GASK1A: variants seen among roughly 807,000 people sequenced by gnomAD.
GASK1A encodes Golgi-associated kinase 1A.
A neutral mutation model predicts 41.2 loss-of-function variants in GASK1A; 40 were observed. That is an observed-to-expected ratio of 0.97 (90% CI 0.75 to 1.27). The LOEUF is 1.27. GASK1A is among the 50% of genes most tolerant of loss of function. The probability of loss-of-function intolerance (pLI) is 0.00; values close to 1 mark genes in which losing one functional copy is unlikely to be tolerated. For synonymous variants in GASK1A, 316 were observed against 307.1 expected (o/e 1.03, Z -0.30); for missense variants, 678 against 745.1 (o/e 0.91, Z 1.05).
Position 43,055,520 on chromosome 3 carries a change from T to C in GASK1A, c.1502T>C (p.Leu501Pro), listed in dbSNP as rs1394786444. 6.4e-7 allele frequency: 1 copy of C among 1,551,932 alleles called. No individual in the cohort carries two copies. The highest frequency in any genetic ancestry group is 2.4e-5 in the East Asian group (1 of 40,894). ...GAGGACAAGCTGAACTTTCGGCTGC[T>C]GGAGGGCATAGATGGGTGAGGGTCA... is the stretch of plus-strand genomic sequence containing the variant. ...HPEDKLNFRLLEGIDGFPESA... is the reference protein window; with the variant it reads ...HPEDKLNFRLPEGIDGFPESA... The change falls in exon 4 of 5, where the codon CTG becomes CCG. Residue 501 changes from leucine (L) to proline (P), a missense_variant. Transcript: ENST00000430121.
rs2089582448 is a variant in GASK1A at position 43,032,576 on chromosome 3, AGG to A, written c.315_316del (p.Glu106ValfsTer36). 1.3e-6 allele frequency: 2 copies of A among 1,551,168 alleles called. No individual in the cohort carries two copies. The highest frequency in any genetic ancestry group is 1.7e-6 in the Non-Finnish European group (2 of 1,146,614). The part of the protein sequence containing the change: ...QGHRARVDRS[R>X]ESPGGDLRHP... Reference sequence around the variant, plus strand: ...CCATAGAGCAAGAGTGGACAGAAGCAGGGAGTCCCCAGGAGGGGACCTCAGGC... The same window carrying A: ...CCATAGAGCAAGAGTGGACAGAAGCAGAGTCCCCAGGAGGGGACCTCAGGC... On this transcript the variant is annotated frameshift_variant, in exon 2 of 5. Coordinates refer to ENST00000430121, the MANE Select transcript of GASK1A (RefSeq NM_001129908.3). LOFTEE classifies it high-confidence loss of function.
At chr3:43,033,737 A>G (rs1258186917) in intron 2 of GASK1A, among the ~76,000 whole-genome samples, 184 bp downstream of exon 2, 1 of 152,238 alleles carries the variant, frequency 6.6e-6, no homozygotes, top group Admixed American at 6.5e-5. Context: ...TACTGGAGCC[A>G]GCTCATCAGC....
intron 1 of GASK1A, among the ~76,000 whole-genome samples, chr3:42,990,383 C>A (rs2089334397): frequency 6.6e-6 from 1 of 151,562 alleles, no homozygotes; most frequent in Non-Finnish European, 1.5e-5. Context: ...TATGCATACA[C>A]CCTTGGGGAT....
chr3:43,016,655 G>A (rs1014833802), intron 1 of GASK1A, among the ~76,000 whole-genome samples: 1 of 151,888 alleles, frequency 6.6e-6, no homozygotes, highest in African/African-American at 2.4e-5. Flanking sequence ...ACAGGAAGGG[G>A]AAGTGGGAAG....
chr3:43,015,322 G>A (rs767309970), intron 1 of GASK1A, among the ~76,000 whole-genome samples: 5 of 150,740 alleles, frequency 3.3e-5, no homozygotes, highest in Non-Finnish European at 7.4e-5. Context: ...AGGGGCTTGT[G>A]AGGTCACAGG....
intron 1 of GASK1A, among the ~76,000 whole-genome samples, chr3:42,986,361 C>G (rs2089309427): frequency 6.6e-6 from 1 of 152,146 alleles, no homozygotes; most frequent in Non-Finnish European, 1.5e-5. Flanking sequence ...AAGGAGAATT[C>G]TGGAGTGATG....
At chr3:43,045,715 A>G (rs2089658760) in intron 2 of GASK1A, among the ~76,000 whole-genome samples, 1 of 152,118 alleles carries the variant, frequency 6.6e-6, no homozygotes, top group African/African-American at 2.4e-5. Context: ...CCAAAATCTC[A>G]TCTTGAATTG....
intron 1 of GASK1A, among the ~76,000 whole-genome samples, chr3:43,019,788 A>ACACACACACACACC (rs1333967942): frequency 4.1e-5 from 6 of 147,812 alleles, no homozygotes; most frequent in African/African-American, 1.5e-4. Flanking sequence ...ACACACACAC[A>ACACACACACACACC]CCCCATCACA....
At position 42,979,401 on chromosome 3, in the gene GASK1A, C is replaced by T. The variant is rs1194471102; in HGVS notation, c.-242C>T. The T allele has an allele frequency of 2.5e-5, 10 of 400,922 alleles. No individual in the cohort carries two copies. The highest frequency in any genetic ancestry group is 4.3e-5 in the Non-Finnish European group (10 of 230,618). 24.8% of individuals were successfully genotyped at this position (400,922 alleles called of 1,614,324 possible). ...CAGATCCCCGTAGATCTCAGTAGAT[C>T]CGGCGTGTATTCCCCACCCGCGGAG... On this transcript the variant is annotated 5_prime_UTR_variant, in exon 1 of 5. Transcript: ENST00000430121.
intron 1 of GASK1A, among the ~76,000 whole-genome samples, chr3:42,982,668 T>G (rs576410855): frequency 3.3e-5 from 5 of 152,336 alleles, no homozygotes; most frequent in Admixed American, 6.5e-5. Context: ...TCATTATCCA[T>G]GGAAATGAGG....
intron 1 of GASK1A, among the ~76,000 whole-genome samples, chr3:43,004,406 C>T (rs1226689902): frequency 6.6e-6 from 1 of 152,186 alleles, no homozygotes; most frequent in African/African-American, 2.4e-5. Context: ...GTTAACTGAT[C>T]AGCTGTTTTA....
chr3:43,018,364 G>A (rs752861494), intron 1 of GASK1A, among the ~76,000 whole-genome samples: 1 of 152,128 alleles, frequency 6.6e-6, no homozygotes, highest in Non-Finnish European at 1.5e-5. Context: ...TTTTTTTGGG[G>A]ATCTGCTATA....
intron 1 of GASK1A, among the ~76,000 whole-genome samples, chr3:43,008,727 C>G (rs7616750): frequency 0.17 from 26,528 of 152,226 alleles, 2,701 homozygotes; most frequent in Non-Finnish European, 0.23. Context: ...TAGAAGTCAA[C>G]TGCACTTAGG....
chr3:42,985,588 G>GT (rs1559395438), intron 1 of GASK1A, among the ~76,000 whole-genome samples: 30 of 96,492 alleles, frequency 3.1e-4, no homozygotes, highest in Admixed American at 1.2e-3. Context: ...TGTGTGTGTG[G>GT]GCGGAGGCAG....
intron 1 of GASK1A, among the ~76,000 whole-genome samples, chr3:42,999,542 G>A (rs1293354580): frequency 1.3e-5 from 2 of 152,204 alleles, no homozygotes; most frequent in African/African-American, 4.8e-5. Flanking sequence ...TTCCTGAGGT[G>A]GGCATGCTGG....
chr3:43,006,540 G>A (rs1370446264), intron 1 of GASK1A, among the ~76,000 whole-genome samples: 1 of 152,170 alleles, frequency 6.6e-6, no homozygotes, highest in Admixed American at 6.5e-5. Flanking sequence ...CTCGGGTATT[G>A]TAGTAAAGAA....
rs80234204 is a variant in GASK1A, at chr3:43,005,895, C to G, written c.3+26250C>G. 1.5e-3 allele frequency among the ~76,000 whole-genome samples: 231 copies of G among 152,268 alleles called. 1 individual carries two copies. The highest frequency in any genetic ancestry group is 5.2e-3 in the African/African-American group (218 of 41,542). ...ATTTGTGGGTGGAAGACATGAACTT[C>G]TAGAAATGTGTTCTGATTTATGGCA... On this transcript the variant is annotated intron_variant, in intron 1 of 4. Transcript: ENST00000430121.
intron 1 of GASK1A, among the ~76,000 whole-genome samples, chr3:42,993,910 A>T (rs1407669374): frequency 6.6e-6 from 1 of 152,234 alleles, no homozygotes; most frequent in Non-Finnish European, 1.5e-5. Flanking sequence ...TAGCTGTCTC[A>T]TTCATTATCT....
rs1348275505 is a variant in GASK1A at position 43,057,142 on chromosome 3, G to C, written c.*756G>C. ...ATATTCTGTATCAGCCATCTGAATT[G>C]ACCCAATCTTTATTGGTGACTGCAT... On this transcript the variant is annotated 3_prime_UTR_variant, in exon 5 of 5. Transcript: ENST00000430121. 1 of 152,154 alleles carries C rather than the reference G, an allele frequency of 6.6e-6. No homozygotes were observed. Among genetic ancestry groups the C allele is most frequent in the African/African-American group, 2.4e-5 (1 of 41,406 alleles). 9.4% of individuals were successfully genotyped at this position (152,154 alleles called of 1,614,324 possible).
Sources: allele counts gnomAD v4.1 joint callset (sites outside exome capture counted in the v4.1 genomes callset), GRCh38; gene constraint gnomAD v4.1.1; transcripts MANE v1.5; gene names NCBI Gene and HGNC (gene_info 2026-07-23, HGNC 2026-07-21).